MAPK4: variants seen among roughly 807,000 people sequenced by gnomAD.
The protein encoded by MAPK4 is Erk3-related.
Under a neutral mutation model 47.7 loss-of-function variants are expected in MAPK4, and 22 were observed. The observed-to-expected ratio is 0.46, with a 90% CI of 0.33 to 0.66. The LOEUF is 0.66. Among genes scored for constraint, MAPK4 ranks in the 30% least tolerant of loss-of-function variants. The probability of loss-of-function intolerance (pLI) is 0.02; values close to 1 mark genes in which losing one functional copy is unlikely to be tolerated. For missense variants in MAPK4, 736 were observed against 831.7 expected, an observed-to-expected ratio of 0.88 and a Z score of 1.42; for synonymous variants, 390 against 365.7, an observed-to-expected ratio of 1.07 and a Z score of -0.76.
At chr18:50,565,514 A>G (rs1196396118) in intron 1 of MAPK4, among the ~76,000 whole-genome samples, 1 of 152,218 alleles carries the variant, frequency 6.6e-6, no homozygotes, top group African/African-American at 2.4e-5. Flanking sequence ...GCCTGGGATG[A>G]GATGTCCTTG....
intron 1 of MAPK4, among the ~76,000 whole-genome samples, chr18:50,631,480 G>T (rs2042829402): frequency 6.6e-6 from 1 of 152,194 alleles, no homozygotes; most frequent in African/African-American, 2.4e-5. Context: ...GCAGGAACAT[G>T]ACCATATTAG....
intron 4 of MAPK4, 39 bp from the exon 5 acceptor site, chr18:50,725,923 G>C: frequency 6.6e-7 from 1 of 1,525,952 alleles, no homozygotes; most frequent in Non-Finnish European, 9.1e-7. Flanking sequence ...CTCAACAAGG[G>C]CAACAAATGA....
intron 1 of MAPK4, among the ~76,000 whole-genome samples, chr18:50,631,104 T>G (rs933457614): frequency 6.6e-6 from 1 of 152,136 alleles, no homozygotes; most frequent in African/African-American, 2.4e-5. Context: ...CCGGCCGAGG[T>G]CAGACAGGGT....
rs112959842 is a variant in MAPK4 at position 50,582,433 on chromosome 18, C to T, written c.-871+22190C>T. ...GATGTTAGAATGGCTCAGCCTGGGA[C>T]CATATCACAGAGATGTTATGGTTGT... On this transcript the variant is annotated intron_variant, in intron 1 of 5. Transcript: ENST00000400384. Among the ~76,000 whole-genome samples the T allele has an allele frequency of 5.6e-3, 849 of 152,318 alleles. 8 individuals are homozygous for T. Among genetic ancestry groups the T allele is most frequent in the Middle Eastern group, 0.017 (5 of 294 alleles).
At chr18:50,683,158 TGCCCA>T (rs1253508423) in intron 2 of MAPK4, among the ~76,000 whole-genome samples, 14 of 152,120 alleles carry the variant, frequency 9.2e-5, no homozygotes, top group Non-Finnish European at 1.0e-4. Context: ...CTTGCTCTGT[TGCCCA>T]GGCTGGAGTG....
chr18:50,638,331 G>A (rs999802326), intron 1 of MAPK4, among the ~76,000 whole-genome samples: 2 of 152,182 alleles, frequency 1.3e-5, no homozygotes, highest in Non-Finnish European at 2.9e-5. Flanking sequence ...CTTCAAACAA[G>A]CATGACATAT....
At position 50,678,448 on chromosome 18, in the gene MAPK4, A is replaced by G. The variant is rs548641909; in HGVS notation, c.546+13944A>G. On this transcript the variant is annotated intron_variant, in intron 2 of 5. Transcript: ENST00000400384. This position sits in a 1 kb window ranked among gnomAD's most constrained non-coding sequence, Gnocchi z 4.2. Reference sequence around the variant, plus strand: ...CCAATCTGAACAGACATCGGCAGTGACCAATCAGAGTAGATACTGTCTGGG... The same window carrying G: ...CCAATCTGAACAGACATCGGCAGTGGCCAATCAGAGTAGATACTGTCTGGG... Among the ~76,000 whole-genome samples the G allele has an allele frequency of 6.6e-6, 1 of 152,234 alleles. No homozygotes were observed. Among genetic ancestry groups the G allele is most frequent in the Non-Finnish European group, 1.5e-5 (1 of 68,010 alleles).
rs779583918 is a variant in MAPK4, at chr18:50,623,561, C to T, written c.-870-39528C>T. On this transcript the variant is annotated intron_variant, in intron 1 of 5. Coordinates refer to ENST00000400384, the MANE Select transcript of MAPK4 (RefSeq NM_002747.4). Reference sequence around the variant, plus strand: ...ATCCCTCTGAACCCCCAACCCCATCCTTGACACTGAAGTCTAAGCCACCAT... The same window carrying T: ...ATCCCTCTGAACCCCCAACCCCATCTTTGACACTGAAGTCTAAGCCACCAT... Among the ~76,000 whole-genome samples, 9 of 152,330 alleles carry T rather than the reference C, an allele frequency of 5.9e-5. No individual in the cohort carries two copies. In the Middle Eastern group the frequency reaches 0.01, roughly 173 times the overall value.
At chr18:50,574,601 T>C (rs971003586) in intron 1 of MAPK4, among the ~76,000 whole-genome samples, 11 of 152,168 alleles carry the variant, frequency 7.2e-5, no homozygotes, top group Non-Finnish European at 2.9e-5. Context: ...AAGTTTTAGA[T>C]GAATGGTCAA....
intron 1 of MAPK4, among the ~76,000 whole-genome samples, chr18:50,601,047 C>G (rs1177451641): frequency 6.7e-6 from 1 of 150,172 alleles, no homozygotes; most frequent in Non-Finnish European, 1.5e-5. Context: ...CACTTGAGCC[C>G]AGGGATTTGC....
intron 2 of MAPK4, among the ~76,000 whole-genome samples, chr18:50,670,774 A>AT (rs2144278362): frequency 6.6e-6 from 1 of 151,810 alleles, no homozygotes; most frequent in East Asian, 1.9e-4. Context: ...AAAAAAAAAA[A>AT]ATCAACTAGT....
chr18:50,613,317 A>G (rs1316295270), intron 1 of MAPK4, among the ~76,000 whole-genome samples: 1 of 152,220 alleles, frequency 6.6e-6, no homozygotes, highest in Non-Finnish European at 1.5e-5. Context: ...AGAGAGCCAC[A>G]TGGCGGGAAG....
intron 1 of MAPK4, among the ~76,000 whole-genome samples, chr18:50,587,209 T>C (rs1302968305): frequency 6.6e-6 from 1 of 152,160 alleles, no homozygotes; most frequent in East Asian, 1.9e-4. Context: ...ACATGGGGCC[T>C]TTGGGAGATA....
intron 2 of MAPK4, among the ~76,000 whole-genome samples, chr18:50,668,230 G>A (rs913459974): frequency 5.3e-5 from 8 of 152,298 alleles, no homozygotes; most frequent in Admixed American, 2.0e-4. Context: ...CCCAGGGAGT[G>A]GGGGCGCACC....
chr18:50,648,031 G>A (rs1164716784), intron 1 of MAPK4, among the ~76,000 whole-genome samples: 1 of 151,966 alleles, frequency 6.6e-6, no homozygotes, highest in African/African-American at 2.4e-5. Context: ...CATGGTTGGA[G>A]GTATAAGGGT....
At chr18:50,704,894 G>A (rs1198678181) in intron 2 of MAPK4, 3 of 397,656 alleles carry the variant, frequency 7.5e-6, no homozygotes, top group Non-Finnish European at 1.3e-5. Context: ...CCTGGCAGGT[G>A]GCTGTTATTA....
chr18:50,588,124 T>TG (rs5824843), intron 1 of MAPK4, among the ~76,000 whole-genome samples: 151,742 of 152,316 alleles, frequency 1, 75,588 homozygotes, highest in East Asian at 1. Flanking sequence ...CCCCAAAACT[T>TG]GTGCCTTAAA....
In MAPK4 at chr18:50,664,097, G is replaced by T; in HGVS notation, c.139G>T (p.Ala47Ser). ...AVDSRACRKV[A>S]VKKIALSDAR... ...GGACAGCCGGGCCTGCCGGAAGGTC[G>T]CTGTGAAGAAGATTGCCCTGAGCGA... Residue 47 changes from alanine to serine, a missense_variant, in exon 2 of 6, where the codon GCT (alanine) becomes TCT (serine). By Grantham distance (99) the Ala-to-Ser change is moderately conservative (BLOSUM62 1). Coordinates refer to ENST00000400384, the MANE Select transcript of MAPK4 (RefSeq NM_002747.4). The surrounding 1 kb of genome is among the most constrained non-coding windows in gnomAD (Gnocchi z 6.0). 6.2e-7 allele frequency: 1 copy of T among 1,614,014 alleles called. No homozygotes were observed. The highest frequency in any genetic ancestry group is 1.1e-5 in the South Asian group (1 of 91,076).
intron 1 of MAPK4, among the ~76,000 whole-genome samples, chr18:50,653,548 G>A (rs776546418): frequency 3.3e-5 from 5 of 152,220 alleles, no homozygotes; most frequent in African/African-American, 4.8e-5. Flanking sequence ...GTTCACTGGT[G>A]TTGGAACCAC....
Sources: allele counts gnomAD v4.1 joint callset (sites outside exome capture counted in the v4.1 genomes callset), GRCh38; gene constraint gnomAD v4.1.1; non-coding constraint Gnocchi (gnomAD v3.1); transcripts MANE v1.5; gene names NCBI Gene and HGNC (gene_info 2026-07-23, HGNC 2026-07-21).